Variants in STON2 observed in about 807,000 individuals in gnomAD.
STON2 encodes the protein stonin 2.
A neutral mutation model predicts 65.7 loss-of-function variants in STON2; 29 were observed. The ratio of observed to expected loss-of-function variants is 0.44; its 90% CI spans 0.33 to 0.60. The LOEUF (loss-of-function observed/expected upper bound fraction) is 0.60. STON2 is among the 20% of genes least tolerant of loss of function. STON2 has a pLI of 0.03. For missense variants in STON2, 1,054 were observed against 1,118.1 expected (o/e 0.94, Z 0.82); for synonymous variants, 404 against 414.2 (o/e 0.98, Z 0.30).
chr14:81,315,401 T>C (rs1896579480), intron 5 of STON2, among the ~76,000 whole-genome samples: 1 of 152,274 alleles, frequency 6.6e-6, no homozygotes, highest in African/African-American at 2.4e-5. Flanking sequence ...GCCCCTGCTT[T>C]GTGCTGTCTC....
In STON2 at chr14:81,268,207, G is replaced by A. The variant is rs185552370; in HGVS notation, c.*207C>T. The stretch of plus-strand genomic sequence containing the variant: ...TGCTTTAGGCATGACCAGAATCAAA[G>A]AGCCTCTCCAAAAGCCACCATTCTC... On this transcript the variant is annotated 3_prime_UTR_variant, in exon 8 of 8. Transcript: ENST00000614646. 298 of 1,145,260 alleles carry A rather than the reference G, an allele frequency of 2.6e-4. 11 individuals are homozygous for A. The East Asian group carries it at 0.012, about 47-fold the overall frequency. The allele number at this position is 1,145,260 out of a possible 1,614,324, so 70.9% of individuals were successfully genotyped here.
intron 5 of STON2, among the ~76,000 whole-genome samples, chr14:81,312,640 A>G (rs1896469070): frequency 6.6e-6 from 1 of 152,232 alleles, no homozygotes. Context: ...CTTGCCTCCC[A>G]GCATCTAGAC....
At position 81,355,746 on chromosome 14, in the gene STON2, G is replaced by A. The variant is rs2371595; in HGVS notation, c.571+15242C>T. Among the ~76,000 whole-genome samples, 325 of 152,206 alleles carry A rather than the reference G, an allele frequency of 2.1e-3. 4 individuals are homozygous for A. The East Asian group carries it at 0.055, about 26-fold the overall frequency. On this transcript the variant is annotated intron_variant, in intron 4 of 7. Coordinates refer to ENST00000614646, the MANE Select transcript of STON2 (RefSeq NM_001394390.1). The stretch of plus-strand genomic sequence containing the variant: ...ACGTCCCTTGTAAGGTGGATTCCTA[G>A]GTATTTTATTGTCTTTGAAGCAATT...
chr14:81,341,067 G>A (rs1897589713), intron 4 of STON2, among the ~76,000 whole-genome samples: 2 of 151,988 alleles, frequency 1.3e-5, no homozygotes, highest in East Asian at 1.9e-4. Flanking sequence ...TACCTCACAG[G>A]CTGTAATTAA....
chr14:81,403,440 T>C (rs970609393), upstream of STON2, among the ~76,000 whole-genome samples: 3 of 152,182 alleles, frequency 2.0e-5, no homozygotes, highest in African/African-American at 4.8e-5. Flanking sequence ...AAAAAAAATA[T>C]TATCTTTACA....
At position 81,267,426 on chromosome 14, in the gene STON2, T is replaced by G; in HGVS notation, c.*988A>C. On this transcript the variant is annotated 3_prime_UTR_variant, in exon 8 of 8. Transcript: ENST00000614646. ...CAGCTTTAAAAATTATCTTTGCAGC[T>G]TAAATTTCCTATAAAGTTGGGTTAA... 2.0e-6 allele frequency: 2 copies of G among 985,408 alleles called. No homozygotes were observed. Among genetic ancestry groups the G allele is most frequent in the Non-Finnish European group, 2.4e-6 (2 of 829,908 alleles). The allele number at this position is 985,408 out of a possible 1,614,324, so 61.0% of individuals were successfully genotyped here. A position where few individuals can be genotyped will look rare whatever the true frequency, so the allele number is the denominator to read the frequency against.
chr14:81,415,392 G>A (rs1398357886), intron 2 of STON2, among the ~76,000 whole-genome samples: 1 of 151,990 alleles, frequency 6.6e-6, no homozygotes, highest in East Asian at 1.9e-4. Flanking sequence ...TCTTTCTGAC[G>A]TCTGAGACTG....
intron 4 of STON2, among the ~76,000 whole-genome samples, chr14:81,345,530 G>A (rs974312879): frequency 1.3e-5 from 2 of 152,188 alleles, no homozygotes; most frequent in Non-Finnish European, 2.9e-5. Flanking sequence ...GGGAGCCTGA[G>A]GTAGAAGGAT....
At position 81,411,895 on chromosome 14, in the gene STON2, T is replaced by TTAG. The variant is rs1378170632; in HGVS notation, c.-198-13316_-198-13315insCTA. Among the ~76,000 whole-genome samples the TTAG allele has an allele frequency of 3.8e-4, 37 of 98,044 alleles. 1 individual carries two copies. Among genetic ancestry groups the TTAG allele is most frequent in the African/African-American group, 1.0e-3 (17 of 16,974 alleles). The allele number at this position is 98,044 out of a possible 152,430, so 64.3% of individuals were successfully genotyped here. On this transcript the variant is annotated intron_variant, in intron 2 of 8. Coordinates refer to the STON2 transcript ENST00000553821. The stretch of plus-strand genomic sequence containing the variant: ...ATAACAAGGAATCTTATACATAGAG[T>TTAG]GACAGAAGATGTCTCTGAAGAGGTG...
chr14:81,379,489 C>A (rs1023093255), intron 3 of STON2, among the ~76,000 whole-genome samples: 2 of 152,052 alleles, frequency 1.3e-5, no homozygotes, highest in African/African-American at 4.8e-5. Context: ...TAATTCTCCC[C>A]AAACTGGTTT....
intron 2 of STON2, among the ~76,000 whole-genome samples, chr14:81,408,971 C>T (rs1901013304): frequency 1.3e-5 from 2 of 152,154 alleles, no homozygotes; most frequent in South Asian, 4.1e-4. Context: ...AACTCCACTT[C>T]ATATTTTTTT....
rs1022666210 is a variant in STON2 at position 81,261,986 on chromosome 14, G to C, written c.*6428C>G. ...AAGAGAGAGATGTGAAAAGGAAAAA[G>C]ATGGACCAGGTGATTTTTCCAATCT... On this transcript the variant is annotated 3_prime_UTR_variant, in exon 8 of 8. Coordinates refer to ENST00000614646, the MANE Select transcript of STON2 (RefSeq NM_001394390.1). The C allele has an allele frequency of 4.6e-5, 63 of 1,384,492 alleles. No homozygotes were observed. Among genetic ancestry groups the C allele is most frequent in the Non-Finnish European group, 5.7e-5 (61 of 1,071,712 alleles). The allele number at this position is 1,384,492 out of a possible 1,614,324, so 85.8% of individuals were successfully genotyped here.
intron 5 of STON2, among the ~76,000 whole-genome samples, chr14:81,316,975 G>C (rs748300188): frequency 6.6e-6 from 1 of 152,022 alleles, no homozygotes; most frequent in South Asian, 2.1e-4. Flanking sequence ...AGCCGAGATC[G>C]CACCACTGCA....
chr14:81,429,932 C>T (rs1902158397), intron 1 of STON2, among the ~76,000 whole-genome samples: 1 of 148,500 alleles, frequency 6.7e-6, no homozygotes. Context: ...AAGACTCTGT[C>T]TCAAAAAAAA....
intron 4 of STON2, among the ~76,000 whole-genome samples, chr14:81,333,707 A>T (rs1897283746): frequency 6.6e-6 from 1 of 152,200 alleles, no homozygotes. Context: ...GATACTGGCA[A>T]GTTACCCCAT....
chr14:81,343,482 T>G (rs1057425802), intron 4 of STON2, among the ~76,000 whole-genome samples: 2 of 151,974 alleles, frequency 1.3e-5, no homozygotes, highest in Non-Finnish European at 2.9e-5. Flanking sequence ...TCTTCCTGAT[T>G]CCAATTCTGC....
chr14:81,376,548 A>G (rs1192763984), intron 3 of STON2, among the ~76,000 whole-genome samples: 1 of 152,164 alleles, frequency 6.6e-6, no homozygotes, highest in Non-Finnish European at 1.5e-5. Flanking sequence ...ACGTTAAAGG[A>G]AAAAGAAAAA....
chr14:81,403,802 A>G (rs1052245093), upstream of STON2, among the ~76,000 whole-genome samples: 2 of 152,132 alleles, frequency 1.3e-5, no homozygotes, highest in African/African-American at 4.8e-5. Context: ...GTTGCTTGCA[A>G]CCAAAAACTC....
chr14:81,296,747 GC>G (rs1318106322), intron 5 of STON2, among the ~76,000 whole-genome samples: 2 of 152,150 alleles, frequency 1.3e-5, no homozygotes, highest in Non-Finnish European at 2.9e-5. Context: ...GTACTGTATA[GC>G]ATAGGAATTT....
Sources: gnomAD v4.1 joint callset for allele counts (sites outside exome capture counted in the v4.1 genomes callset) on GRCh38, gnomAD v4.1.1 for gene constraint, MANE v1.5 for transcripts, NCBI Gene and HGNC (gene_info 2026-07-23, HGNC 2026-07-21) for gene names.